SHANK2: variants seen among roughly 807,000 people sequenced by gnomAD.
The protein encoded by SHANK2 is SH3 and multiple ankyrin repeat domains 2, also known as SH3 and multiple ankyrin repeat domains protein 2.
A neutral mutation model predicts 133.7 loss-of-function variants in SHANK2; 43 were observed. The observed-to-expected ratio is 0.32, with a 90% confidence interval of 0.25 to 0.41. The LOEUF (loss-of-function observed/expected upper bound fraction) is 0.41. SHANK2 is among the 10% of genes least tolerant of loss of function. The pLI is 1.00. For missense variants in SHANK2, 1,994 were observed against 2,235.8 expected (o/e 0.89, Z 2.18); for synonymous variants, 1,017 against 952.8 (o/e 1.07, Z -1.24).
Position 70,830,268 on chromosome 11 carries a change from A to G in SHANK2, c.1175-9586T>C, listed in dbSNP as rs1565347619. On this transcript the variant is annotated intron_variant, in intron 11 of 25. Transcript: ENST00000601538. This position sits in a 1 kb window ranked among gnomAD's most constrained non-coding sequence, Gnocchi z 4.4. ...TCCTCCTGCCCCTCGTTTTATGAGC[A>G]TGTCCGTGGCCTGAAGCCTGCCCTG... is the stretch of plus-strand genomic sequence containing the variant. Among the ~76,000 whole-genome samples, 1 of 152,132 alleles carries G rather than the reference A, an allele frequency of 6.6e-6. No homozygotes were observed. The highest frequency in any genetic ancestry group is 2.4e-5 in the African/African-American group (1 of 41,410).
intron 17 of SHANK2, among the ~76,000 whole-genome samples, chr11:70,577,268 C>T (rs191651622): frequency 5.3e-5 from 8 of 152,278 alleles, no homozygotes; most frequent in East Asian, 3.9e-4. Context: ...GTCAAAACCC[C>T]GAGCTCCAGG....
intron 6 of SHANK2, among the ~76,000 whole-genome samples, chr11:71,096,651 T>A (rs1369798468): frequency 6.6e-6 from 1 of 152,164 alleles, no homozygotes; most frequent in Non-Finnish European, 1.5e-5. Context: ...CGCTGAACAT[T>A]CAAATCTTAC....
intron 11 of SHANK2, chr11:70,862,830 G>T: frequency 3.6e-6 from 1 of 274,788 alleles, no homozygotes; most frequent in Non-Finnish European, 7.2e-6. Flanking sequence ...GTAGTCAACT[G>T]GGCAGCAGGA....
At chr11:70,838,412 C>T (rs782080226) in intron 11 of SHANK2, among the ~76,000 whole-genome samples, 12 of 152,082 alleles carry the variant, frequency 7.9e-5, no homozygotes, top group Admixed American at 2.6e-4. Context: ...TTTGTTATGT[C>T]GGAGAGACTC....
chr11:70,784,837 C>T (rs913021427), intron 14 of SHANK2, among the ~76,000 whole-genome samples: 1 of 152,168 alleles, frequency 6.6e-6, no homozygotes, highest in Admixed American at 6.5e-5. Flanking sequence ...CCAGGGCCCA[C>T]GCTCCAACCG....
chr11:71,102,458 G>A (rs1015891252), intron 6 of SHANK2, among the ~76,000 whole-genome samples: 14 of 152,102 alleles, frequency 9.2e-5, no homozygotes, highest in African/African-American at 3.4e-4. Flanking sequence ...AGGGACGCGG[G>A]GCCCAGGTCT....
In SHANK2 at chr11:71,210,210, G is replaced by GTGTATATATATATA. The variant is rs1491563939; in HGVS notation, c.-13+14486_-13+14487insTATATATATATACA. Among the ~76,000 whole-genome samples the GTGTATATATATATA allele has an allele frequency of 1.4e-3, 75 of 54,052 alleles. 7 individuals carry two copies. Among genetic ancestry groups the GTGTATATATATATA allele is most frequent in the Non-Finnish European group, 2.1e-3 (65 of 31,000 alleles). 35.5% of individuals were successfully genotyped at this position (54,052 alleles called of 152,430 possible). ...GGTCCTCTTCATTGGAAATCCACAG[G>GTGTATATATATATA]TATATATATATATATATATATATAT... is the stretch of plus-strand genomic sequence containing the variant. On this transcript the variant is annotated intron_variant, in intron 2 of 25. Transcript: ENST00000601538.
At chr11:71,097,989 T>C (rs1181243875) in intron 6 of SHANK2, among the ~76,000 whole-genome samples, 1 of 149,866 alleles carries the variant, frequency 6.7e-6, no homozygotes, top group African/African-American at 2.5e-5. Context: ...TGTGTGTGCA[T>C]GTGCATGCCT....
intron 14 of SHANK2, among the ~76,000 whole-genome samples, chr11:70,785,320 C>T (rs1477983301): frequency 2.6e-5 from 4 of 152,274 alleles, no homozygotes; most frequent in Middle Eastern, 3.4e-3. Flanking sequence ...TGGGGTGACC[C>T]GAGGGGGAGG....
At chr11:71,071,260 C>T (rs1590883277) in intron 9 of SHANK2, among the ~76,000 whole-genome samples, 1 of 152,214 alleles carries the variant, frequency 6.6e-6, no homozygotes, top group African/African-American at 2.4e-5. Flanking sequence ...TATCTCCACA[C>T]TCACACAGAC....
chr11:70,591,103 AGG>A (rs2060314833), intron 17 of SHANK2, among the ~76,000 whole-genome samples: 1 of 152,224 alleles, frequency 6.6e-6, no homozygotes, highest in African/African-American at 2.4e-5. Context: ...GCACTTTGGG[AGG>A]CCGAGGTGGG....
chr11:70,927,543 G>C (rs1430773726), intron 10 of SHANK2, among the ~76,000 whole-genome samples: 1 of 152,004 alleles, frequency 6.6e-6, no homozygotes, highest in Non-Finnish European at 1.5e-5. Flanking sequence ...ATCTCCACAA[G>C]CAGTGAGTTC....
At chr11:71,122,839 C>T (rs1364117951) in intron 3 of SHANK2, among the ~76,000 whole-genome samples, 8 of 152,128 alleles carry the variant, frequency 5.3e-5, no homozygotes, top group Non-Finnish European at 4.4e-5. Flanking sequence ...AAGGAACCAA[C>T]CTTGCCTACC....
chr11:70,683,710 G>C (rs781976870), intron 15 of SHANK2, among the ~76,000 whole-genome samples: 37 of 152,208 alleles, frequency 2.4e-4, no homozygotes, highest in Non-Finnish European at 4.4e-4. Flanking sequence ...GGCATTCCTT[G>C]TCTTGGGGTC....
chr11:70,746,006 A>G (rs1338029514), intron 14 of SHANK2, among the ~76,000 whole-genome samples: 1 of 152,222 alleles, frequency 6.6e-6, no homozygotes, highest in African/African-American at 2.4e-5. Flanking sequence ...CCTCCTCTCC[A>G]GCCTCCAGCC....
rs782015001 is a variant in SHANK2 at position 70,490,293 on chromosome 11, C to A, written c.2534G>T (p.Arg845Leu). 6.2e-7 allele frequency: 1 copy of A among 1,614,184 alleles called. No individual in the cohort carries two copies. Among genetic ancestry groups the A allele is most frequent in the Non-Finnish European group, 8.5e-7 (1 of 1,179,978 alleles). Reference sequence around the variant, plus strand: ...CTTCTTACCTATTGATTTCTGCCTTCGCATCGTACCTCGAGGGATGCCCAG... The same window carrying A: ...CTTCTTACCTATTGATTTCTGCCTTAGCATCGTACCTCGAGGGATGCCCAG... ...PFLGIPRGTM[R>L]RQKSIDSRIF... The change falls in exon 23 of 26, where the codon CGA (arginine) becomes CTA (leucine). Residue 845 changes from arginine (R) to leucine (L), a missense_variant. By Grantham distance (102) the Arg-to-Leu change is moderately radical. This residue lies in a region of SHANK2 where 488 missense variants were observed against 642.6 expected (regional missense o/e 0.76). Transcript: ENST00000601538.
rs116472148 is a variant in SHANK2 at position 70,829,065 on chromosome 11, C to T, written c.1175-8383G>A. Among the ~76,000 whole-genome samples the T allele has an allele frequency of 7.8e-3, 1,189 of 152,294 alleles. 17 individuals are homozygous for T. The highest frequency in any genetic ancestry group is 0.027 in the African/African-American group (1,106 of 41,554). ...GTCCTGTCATCTTTGGCTGCCTTGCCGGCCACGGAAGACCTTGGGTGGAGG... is the reference window on the plus strand; with the variant it reads ...GTCCTGTCATCTTTGGCTGCCTTGCTGGCCACGGAAGACCTTGGGTGGAGG... On this transcript the variant is annotated intron_variant, in intron 11 of 25. Coordinates refer to ENST00000601538, the MANE Select transcript of SHANK2 (RefSeq NM_012309.5).
chr11:70,708,306 C>T (rs1204322210), intron 14 of SHANK2, among the ~76,000 whole-genome samples: 1 of 152,094 alleles, frequency 6.6e-6, no homozygotes, highest in Non-Finnish European at 1.5e-5. Context: ...GCCCTGGACA[C>T]TGCATTTCTC....
rs1422888728 is a variant in SHANK2 at position 70,820,475 on chromosome 11, GCGGCCCCCT to G, written c.1373_1381del (p.Glu458_Ala460del). ...GGGCACGTAGCTCCCAATGGTCTTC[GCGGCCCCCT>G]CGGGCTTGCTGGGCATCTGCTGCAG... On this transcript the variant is annotated inframe_deletion, in exon 12 of 26. Transcript: ENST00000601538. The G allele has an allele frequency of 1.5e-5, 11 of 716,734 alleles. No individual in the cohort carries two copies. The highest frequency in any genetic ancestry group is 2.6e-5 in the Non-Finnish European group (10 of 384,598). 44.4% of individuals were successfully genotyped at this position (716,734 alleles called of 1,614,324 possible).
Sources: allele counts gnomAD v4.1 joint callset (sites outside exome capture counted in the v4.1 genomes callset), GRCh38; gene constraint gnomAD v4.1.1; regional missense constraint gnomAD v4.1.1; non-coding constraint Gnocchi (gnomAD v3.1); transcripts MANE v1.5; gene names NCBI Gene and HGNC (gene_info 2026-07-23, HGNC 2026-07-21).